The following SGMS1 variants were observed in gnomAD, a reference collection of about 807,000 sequenced individuals.
SGMS1 encodes the protein sphingomyelin synthase 1.
Under a neutral mutation model 46.2 loss-of-function variants are expected in SGMS1, and 13 were observed. The ratio of observed to expected loss-of-function variants is 0.28; its 90% CI spans 0.18 to 0.45. The LOEUF is 0.45. Ranked by LOEUF, SGMS1 falls within the 20% of genes least tolerant of loss-of-function variation. The pLI is 1.00. For missense variants in SGMS1, 324 were observed against 519.9 expected (o/e 0.62, Z 3.66); for synonymous variants, 203 against 187.8 (o/e 1.08, Z -0.66).
chr10:50,581,689 T>C (rs1373449611), intron 2 of SGMS1, among the ~76,000 whole-genome samples: 1 of 152,182 alleles, frequency 6.6e-6, no homozygotes, highest in Non-Finnish European at 1.5e-5. Context: ...GGGTCATTTT[T>C]CTAGAATAAG....
chr10:50,514,122 G>A (rs1837781624), intron 3 of SGMS1, among the ~76,000 whole-genome samples: 1 of 152,144 alleles, frequency 6.6e-6, no homozygotes, highest in African/African-American at 2.4e-5. Flanking sequence ...GCAGTTCATG[G>A]CAATTACGCC....
intron 8 of SGMS1, 77 bp from the exon 9 acceptor site, chr10:50,311,492 T>A: frequency 7.7e-7 from 1 of 1,293,584 alleles, no homozygotes; most frequent in African/African-American, 1.5e-5. Context: ...TTACTATTCA[T>A]ATCCAGAATT....
intron 6 of SGMS1, among the ~76,000 whole-genome samples, chr10:50,414,192 A>G (rs1391598875): frequency 6.6e-6 from 1 of 152,164 alleles, no homozygotes; most frequent in Non-Finnish European, 1.5e-5. Context: ...TTGAGTCCAC[A>G]AGTTTGAGTT....
chr10:50,373,819 T>A (rs773161972), intron 6 of SGMS1, among the ~76,000 whole-genome samples: 3 of 152,222 alleles, frequency 2.0e-5, no homozygotes, highest in Non-Finnish European at 4.4e-5. Flanking sequence ...ACTACTTTCT[T>A]ACCATAAAAT....
At position 50,476,317 on chromosome 10, in the gene SGMS1, G is replaced by A. The variant is rs534455963; in HGVS notation, c.-497-9385C>T. ...GAAGGGAGGGGAGGGGAGGGGGAGG[G>A]AGAGAGGAGGGGAGGGGAGGGAAGG... On this transcript the variant is annotated intron_variant, in intron 3 of 10. Transcript: ENST00000361781. Among the ~76,000 whole-genome samples, 326 of 97,632 alleles carry A rather than the reference G, an allele frequency of 3.3e-3. 2 individuals carry two copies. Among genetic ancestry groups the A allele is most frequent in the Middle Eastern group, 6.0e-3 (1 of 168 alleles). 64.1% of individuals were successfully genotyped at this position (97,632 alleles called of 152,430 possible).
At chr10:50,570,970 T>C (rs553032523) in intron 2 of SGMS1, among the ~76,000 whole-genome samples, 2 of 152,140 alleles carry the variant, frequency 1.3e-5, no homozygotes, top group Non-Finnish European at 2.9e-5. Context: ...CATTTTTAAA[T>C]AAAATAAATT....
chr10:50,448,141 G>A (rs1837048669), intron 5 of SGMS1, among the ~76,000 whole-genome samples: 1 of 152,086 alleles, frequency 6.6e-6, no homozygotes. Flanking sequence ...TCAGCTGTTT[G>A]GGAAGCTGAG....
intron 6 of SGMS1, among the ~76,000 whole-genome samples, chr10:50,366,013 A>C (rs565541100): frequency 6.6e-6 from 1 of 151,830 alleles, no homozygotes; most frequent in South Asian, 2.1e-4. Flanking sequence ...TTGGGTCAAA[A>C]GGTGTAAGTA....
At chr10:50,312,914 T>C (rs572862862) in intron 8 of SGMS1, among the ~76,000 whole-genome samples, 2 of 152,248 alleles carry the variant, frequency 1.3e-5, no homozygotes, top group East Asian at 3.9e-4. Context: ...TCTGGAGGGA[T>C]GTCATCATGG....
At chr10:50,549,584 T>C (rs539860168) in intron 2 of SGMS1, among the ~76,000 whole-genome samples, 97 of 152,300 alleles carry the variant, frequency 6.4e-4, no homozygotes, top group Non-Finnish European at 1.2e-3. Context: ...GCATAGCTAA[T>C]GGATGCTGGA....
In SGMS1 at chr10:50,308,069, C is replaced by A. The variant is rs369757236; in HGVS notation, c.975G>T (p.Ala325=). The change falls in exon 10 of 11, where the codon GCG becomes GCT. Residue 325 remains alanine (A), a synonymous_variant. Coordinates refer to ENST00000361781, the MANE Select transcript of SGMS1 (RefSeq NM_147156.4). ...CCACGTCCACAGTGTAGTGGTCATG[C>A]GCTAAGAGAATACAGAAGATTCCAA... ...SVVGIFCILL[A]HDHYTVDVVV... 5 of 1,613,922 alleles carry A rather than the reference C, an allele frequency of 3.1e-6. No homozygotes were observed. The South Asian group carries it at 4.4e-5, about 14-fold the overall frequency.
In SGMS1 at chr10:50,573,751, T is replaced by C. The variant is rs370598664; in HGVS notation, c.-589+16402A>G. On this transcript the variant is annotated intron_variant, in intron 2 of 10. Transcript: ENST00000361781. The stretch of plus-strand genomic sequence containing the variant: ...AAAACAAAGAACAAAGCTGGAAATA[T>C]CACACTTCCTGATCTCAAAATATAT... 3.3e-5 allele frequency among the ~76,000 whole-genome samples: 5 copies of C among 152,252 alleles called. 1 individual carries two copies. Among genetic ancestry groups the C allele is most frequent in the African/African-American group, 1.2e-4 (5 of 41,570 alleles).
chr10:50,512,183 G>T (rs1837761993), intron 3 of SGMS1, among the ~76,000 whole-genome samples: 1 of 152,132 alleles, frequency 6.6e-6, no homozygotes, highest in Admixed American at 6.5e-5. Flanking sequence ...TGGCAACAGG[G>T]TACTTGGGCA....
At chr10:50,549,239 G>A (rs1399578115) in intron 2 of SGMS1, among the ~76,000 whole-genome samples, 1 of 152,126 alleles carries the variant, frequency 6.6e-6, no homozygotes, top group African/African-American at 2.4e-5. Flanking sequence ...AAAGATACAT[G>A]CACACGTACA....
chr10:50,425,366 T>C (rs2474612), intron 6 of SGMS1, among the ~76,000 whole-genome samples: 92,078 of 152,022 alleles, frequency 0.61, 28,006 homozygotes, highest in East Asian at 0.74. Flanking sequence ...CAATGGTAGA[T>C]TGGATAAAGA....
intron 3 of SGMS1, among the ~76,000 whole-genome samples, chr10:50,491,799 T>C (rs570898437): frequency 6.6e-6 from 1 of 152,220 alleles, no homozygotes; most frequent in Non-Finnish European, 1.5e-5. Flanking sequence ...GGGGAGGTAC[T>C]CCTCCCAAAC....
At chr10:50,506,356 A>C (rs1837706726) in intron 3 of SGMS1, among the ~76,000 whole-genome samples, 1 of 152,202 alleles carries the variant, frequency 6.6e-6, no homozygotes, top group Admixed American at 6.5e-5. Flanking sequence ...AGTTCAATAA[A>C]TATTGGAGAA....
chr10:50,549,118 T>C (rs1838127029), intron 2 of SGMS1, among the ~76,000 whole-genome samples: 1 of 152,178 alleles, frequency 6.6e-6, no homozygotes, highest in Non-Finnish European at 1.5e-5. Flanking sequence ...AGTCCAACCA[T>C]TGTGGAAGAC....
intron 6 of SGMS1, among the ~76,000 whole-genome samples, chr10:50,389,424 G>C (rs1471789847): frequency 1.3e-5 from 2 of 152,106 alleles, no homozygotes; most frequent in African/African-American, 2.4e-5. Flanking sequence ...TCTGGGGGGA[G>C]GTCAAGTACC....
Sources: allele counts gnomAD v4.1 joint callset (sites outside exome capture counted in the v4.1 genomes callset), GRCh38; gene constraint gnomAD v4.1.1; transcripts MANE v1.5; gene names NCBI Gene and HGNC (gene_info 2026-07-23, HGNC 2026-07-21).